Variants in CAMK4 observed in about 807,000 individuals in gnomAD.
CAMK4 encodes calcium/calmodulin dependent protein kinase IV.
CAMK4 carries 22 observed loss-of-function variants against 44.9 expected under a neutral mutation model. The observed-to-expected ratio is 0.49, with a 90% CI of 0.35 to 0.70. The LOEUF (loss-of-function observed/expected upper bound fraction) is 0.70, where lower values mean the gene tolerates loss of function less well. CAMK4 is among the 30% of genes least tolerant of loss of function. The probability of loss-of-function intolerance (pLI) is 0.01; values close to 1 mark genes in which losing one functional copy is unlikely to be tolerated. For synonymous variants in CAMK4, 218 were observed against 215.4 expected (o/e 1.01, Z -0.11); for missense variants, 498 against 586.8 (o/e 0.85, Z 1.56).
chr5:111,249,134 A>G (rs1376593332), intron 1 of CAMK4, among the ~76,000 whole-genome samples: 1 of 152,224 alleles, frequency 6.6e-6, no homozygotes, highest in Non-Finnish European at 1.5e-5. Flanking sequence ...TTTAAAAACC[A>G]GTTTGTGTGT....
At chr5:111,241,089 C>G (rs1748969059) in intron 1 of CAMK4, among the ~76,000 whole-genome samples, 1 of 151,230 alleles carries the variant, frequency 6.6e-6, no homozygotes, top group Non-Finnish European at 1.5e-5. Context: ...GCTATGCACA[C>G]ACTGCAAATT....
intron 2 of CAMK4, among the ~76,000 whole-genome samples, chr5:111,346,822 A>AAAACAAACAAACAAACAAACAAAC (rs140958825): frequency 8.6e-5 from 10 of 116,670 alleles, no homozygotes; most frequent in East Asian, 7.8e-4. Context: ...CCCAGTGTGC[A>AAAACAAACAAACAAACAAACAAAC]AAACAAACAA....
At chr5:111,476,081 T>C (rs1241772685) in intron 8 of CAMK4, among the ~76,000 whole-genome samples, 1 of 152,218 alleles carries the variant, frequency 6.6e-6, no homozygotes, top group African/African-American at 2.4e-5. Context: ...TTTGCTTTAC[T>C]GATACTTGTC....
At chr5:111,371,815 A>T (rs888031801) in intron 2 of CAMK4, among the ~76,000 whole-genome samples, 2 of 152,202 alleles carry the variant, frequency 1.3e-5, no homozygotes, top group African/African-American at 2.4e-5. Context: ...CCAACCATTC[A>T]TATTGGCTAC....
At chr5:111,289,071 G>A (rs908186653) in intron 1 of CAMK4, among the ~76,000 whole-genome samples, 1 of 152,214 alleles carries the variant, frequency 6.6e-6, no homozygotes, top group Non-Finnish European at 1.5e-5. Context: ...CATGGGCTGG[G>A]TGTGGTGGCT....
At chr5:111,373,874 A>G (rs909988963) in intron 2 of CAMK4, among the ~76,000 whole-genome samples, 3 of 152,164 alleles carry the variant, frequency 2.0e-5, no homozygotes, top group African/African-American at 7.2e-5. Context: ...AGAGGAAGAC[A>G]TTAAAACGTT....
chr5:111,309,448 G>A (rs1482304908), intron 1 of CAMK4, among the ~76,000 whole-genome samples: 2 of 152,098 alleles, frequency 1.3e-5, no homozygotes, highest in South Asian at 2.1e-4. Context: ...GGCAAAATAT[G>A]TGCCCATTTT....
chr5:111,340,861 T>C (rs1014449013), intron 1 of CAMK4, among the ~76,000 whole-genome samples: 15 of 151,032 alleles, frequency 9.9e-5, no homozygotes, highest in Non-Finnish European at 4.5e-5. Context: ...TGTTTTTTGA[T>C]GGGAAACTAT....
intron 1 of CAMK4, among the ~76,000 whole-genome samples, chr5:111,253,001 T>A (rs1749580449): frequency 6.6e-6 from 1 of 152,238 alleles, no homozygotes; most frequent in Non-Finnish European, 1.5e-5. Flanking sequence ...CAGTCATGTT[T>A]GCATTTGTCT....
chr5:111,239,035 C>G (rs780291834), intron 1 of CAMK4, among the ~76,000 whole-genome samples: 1 of 151,590 alleles, frequency 6.6e-6, no homozygotes, highest in East Asian at 1.9e-4. Flanking sequence ...GCAGCTGGCA[C>G]GGGATTTTTT....
At chr5:111,272,813 A>C (rs1750573872) in intron 1 of CAMK4, among the ~76,000 whole-genome samples, 1 of 152,180 alleles carries the variant, frequency 6.6e-6, no homozygotes, top group Admixed American at 6.5e-5. Flanking sequence ...GTCTCTATAC[A>C]GAGTGTTTAT....
At chr5:111,237,383 G>A (rs1283728636) in intron 1 of CAMK4, among the ~76,000 whole-genome samples, 6 of 152,204 alleles carry the variant, frequency 3.9e-5, no homozygotes, top group Admixed American at 2.6e-4. Context: ...TTCTCTGGGC[G>A]ATCACCTTAG....
At chr5:111,272,192 T>C (rs981754927) in intron 1 of CAMK4, among the ~76,000 whole-genome samples, 2 of 152,108 alleles carry the variant, frequency 1.3e-5, no homozygotes, top group Non-Finnish European at 2.9e-5. Flanking sequence ...AGAGGTGTTA[T>C]GGAAATTTTT....
At chr5:111,439,596 G>T (rs779267097) in intron 5 of CAMK4, among the ~76,000 whole-genome samples, 18 of 152,200 alleles carry the variant, frequency 1.2e-4, no homozygotes, top group Admixed American at 3.3e-4. Context: ...GAAATGTTGA[G>T]ACTGGAGCAC....
intron 5 of CAMK4, among the ~76,000 whole-genome samples, chr5:111,439,296 A>C (rs1019830514): frequency 6.6e-6 from 1 of 152,134 alleles, no homozygotes; most frequent in Non-Finnish European, 1.5e-5. Flanking sequence ...TAATGCTGGA[A>C]ATTGGGAAGC....
At chr5:111,390,744 C>G (rs1561457393) in intron 4 of CAMK4, among the ~76,000 whole-genome samples, 2 of 152,102 alleles carry the variant, frequency 1.3e-5, no homozygotes, top group African/African-American at 2.4e-5. Context: ...TAAGACTAGA[C>G]AGCAACTTGT....
At chr5:111,473,233 T>G in intron 7 of CAMK4, 78 bp from the exon 8 acceptor site, 1 of 951,422 alleles carries the variant, frequency 1.1e-6, no homozygotes, top group Non-Finnish European at 1.7e-6. Flanking sequence ...GATGAATTTA[T>G]TTCTTTCCCA....
rs114737547 is a variant in CAMK4, at chr5:111,311,436, A to G, written c.162-32588A>G. ...AATTGGTCTTTGTATGAAAAACTCT[A>G]AATAGATGATACGTTGATGGGCCCC... is the stretch of plus-strand genomic sequence containing the variant. On this transcript the variant is annotated intron_variant, in intron 1 of 10. Transcript: ENST00000282356. Among the ~76,000 whole-genome samples, 1,391 of 152,278 alleles carry G rather than the reference A, an allele frequency of 9.1e-3. 12 individuals carry two copies. Among genetic ancestry groups the G allele is most frequent in the African/African-American group, 0.032 (1,312 of 41,556 alleles).
intron 1 of CAMK4, among the ~76,000 whole-genome samples, chr5:111,235,171 A>G (rs1748659122): frequency 6.6e-6 from 1 of 152,196 alleles, no homozygotes; most frequent in Admixed American, 6.5e-5. Flanking sequence ...TTTAGTAAGC[A>G]GCTGCCTTCC....
Sources: gnomAD v4.1 joint callset for allele counts (sites outside exome capture counted in the v4.1 genomes callset) on GRCh38, gnomAD v4.1.1 for gene constraint, MANE v1.5 for transcripts, NCBI Gene and HGNC (gene_info 2026-07-23, HGNC 2026-07-21) for gene names.